The following WBP4 variants were observed in gnomAD, a reference collection of about 807,000 sequenced individuals.
WBP4 encodes WW domain-binding protein 4.
WBP4 carries 37 observed loss-of-function variants against 55.4 expected under a neutral mutation model. The observed-to-expected ratio is 0.67, with a 90% CI of 0.51 to 0.88. WBP4 has a LOEUF of 0.88. WBP4 is among the 40% of genes least tolerant of loss of function. The pLI is 0.00. For missense variants in WBP4, 398 were observed against 420.8 expected (o/e 0.95, Z 0.47); for synonymous variants, 142 against 140.2 (o/e 1.01, Z -0.09).
rs540793970 is a variant in WBP4, at chr13:41,065,148, T to G, written c.139-16T>G. 7 of 1,606,598 alleles carry G rather than the reference T, an allele frequency of 4.4e-6. No homozygotes were observed. The East Asian group carries it at 1.1e-4, about 26-fold the overall frequency. Reference sequence around the variant, plus strand: ...GTCCTTTATCTCACTTTCACTGTTATGTATGTCTTACATAGATTAAACAGA... The same window carrying G: ...GTCCTTTATCTCACTTTCACTGTTAGGTATGTCTTACATAGATTAAACAGA... On this transcript the variant is annotated splice_polypyrimidine_tract_variant and intron_variant, in intron 3 of 9. Coordinates refer to ENST00000379487, the MANE Select transcript of WBP4 (RefSeq NM_007187.5).
intron 1 of WBP4, among the ~76,000 whole-genome samples, 153 bp downstream of exon 1, chr13:41,061,828 G>A (rs1877660780): frequency 6.6e-6 from 1 of 152,176 alleles, no homozygotes; most frequent in African/African-American, 2.4e-5. Flanking sequence ...GACCTGCAGG[G>A]CCGGTTCTCA....
chr13:41,067,733 C>T (rs1437022575), intron 4 of WBP4, among the ~76,000 whole-genome samples: 1 of 152,134 alleles, frequency 6.6e-6, no homozygotes, highest in Non-Finnish European at 1.5e-5. Flanking sequence ...GTCCATTTTT[C>T]TATTAGAATG....
In WBP4 at chr13:41,068,566, T is replaced by G; in HGVS notation, c.268T>G (p.Leu90Val). The change falls in exon 5 of 10, where the codon TTG becomes GTG. Residue 90 changes from leucine (L) to valine (V), a missense_variant. Leu to Val is a conservative substitution (Grantham distance 32). Transcript: ENST00000379487. Reference protein sequence around the residue: ...LKRLGLESEILEPSITPVTST... With the variant: ...LKRLGLESEIVEPSITPVTST... ...CCCTTCTCTCATCTCTTTAGAAATT[T>G]TGGAGCCAAGCATAACACCAGTAAC... 1 of 1,592,676 alleles carries G rather than the reference T, an allele frequency of 6.3e-7. No individual in the cohort carries two copies. Among genetic ancestry groups the G allele is most frequent in the Non-Finnish European group, 8.5e-7 (1 of 1,172,980 alleles).
At chr13:41,075,144 G>A (rs58557605) in intron 7 of WBP4, among the ~76,000 whole-genome samples, 9,082 of 151,938 alleles carry the variant, frequency 0.06, 626 homozygotes, top group East Asian at 0.16. Context: ...AATTACTAAC[G>A]GCAGCCCCTT....
At chr13:41,071,331 C>G (rs927076451) in intron 5 of WBP4, among the ~76,000 whole-genome samples, 196 bp from the exon 6 acceptor site, 1 of 152,212 alleles carries the variant, frequency 6.6e-6, no homozygotes, top group African/African-American at 2.4e-5. Context: ...TCTGTCCTTT[C>G]TTCTTGGTTA....
chr13:41,070,240 G>C lies in WBP4; in HGVS notation c.440-1287G>C, dbSNP rs150080762. ...TCTCTAAATTAAGATAGGGACATCA[G>C]GAATGATGCCTTACTCACCATTGTA... On this transcript the variant is annotated intron_variant, in intron 5 of 9. Coordinates refer to ENST00000379487, the MANE Select transcript of WBP4 (RefSeq NM_007187.5). 1.4e-3 allele frequency among the ~76,000 whole-genome samples: 217 copies of C among 152,214 alleles called. 1 individual carries two copies. The highest frequency in any genetic ancestry group is 4.9e-3 in the African/African-American group (204 of 41,532).
At chr13:41,062,759 T>C (rs1313740641) in intron 2 of WBP4, 43 bp downstream of exon 2, 6 of 1,545,636 alleles carry the variant, frequency 3.9e-6, no homozygotes, top group Admixed American at 1.8e-5. Context: ...ATAATTGTGT[T>C]GAATGAAGTG....
intron 4 of WBP4, among the ~76,000 whole-genome samples, chr13:41,067,788 A>G (rs994501511): frequency 6.6e-5 from 10 of 152,212 alleles, no homozygotes; most frequent in African/African-American, 2.2e-4. Context: ...ACCCTTTGCC[A>G]TATTTATTGT....
intron 8 of WBP4, among the ~76,000 whole-genome samples, chr13:41,080,153 A>G (rs1878704221): frequency 6.6e-6 from 1 of 152,236 alleles, no homozygotes; most frequent in Non-Finnish European, 1.5e-5. Context: ...CCCGTACTTC[A>G]CCATGACATA....
At chr13:41,069,885 A>G (rs1306083863) in intron 5 of WBP4, among the ~76,000 whole-genome samples, 2 of 150,998 alleles carry the variant, frequency 1.3e-5, no homozygotes, top group African/African-American at 4.8e-5. Context: ...TCTCAAAAAA[A>G]AAAAAAAGAA....
chr13:41,082,638 C>A, intron 9 of WBP4, 66 bp from the exon 10 acceptor site: 1 of 1,440,302 alleles, frequency 6.9e-7, no homozygotes, highest in Non-Finnish European at 9.6e-7. Flanking sequence ...GATCTTGGGG[C>A]ATTGGTTATA....
intron 7 of WBP4, 46 bp downstream of exon 7, chr13:41,072,903 G>A: frequency 6.7e-7 from 1 of 1,498,782 alleles, no homozygotes. Flanking sequence ...ATTGTACCTG[G>A]AACTGCTTAT....
intron 4 of WBP4, among the ~76,000 whole-genome samples, chr13:41,066,012 C>T (rs1877957678): frequency 1.3e-5 from 2 of 152,094 alleles, no homozygotes; most frequent in Admixed American, 1.3e-4. Context: ...AGCAGAGTAC[C>T]AGTTAAGTTA....
intron 3 of WBP4, 37 bp downstream of exon 3, chr13:41,065,115 A>C (rs1264128886): frequency 1.2e-6 from 2 of 1,601,194 alleles, no homozygotes; most frequent in East Asian, 4.5e-5. Flanking sequence ...TTTTCTATGC[A>C]AATGTCAGTC....
Position 41,061,603 on chromosome 13 carries a change from C to T in WBP4, c.-71C>T. On this transcript the variant is annotated 5_prime_UTR_variant, in exon 1 of 10. Transcript: ENST00000379487. ...TGGGCATCGGGCGGCTGGAAGAGCT[C>T]GACTCGTCCCGCTGGGAAAGCGCGA... 5 of 1,612,812 alleles carry T rather than the reference C, an allele frequency of 3.1e-6. No individual in the cohort carries two copies. The highest frequency in any genetic ancestry group is 2.2e-5 in the South Asian group (2 of 90,948).
In WBP4 at chr13:41,082,954, G is replaced by A. The variant is rs775072523; in HGVS notation, c.*40G>A. 3 of 1,591,616 alleles carry A rather than the reference G, an allele frequency of 1.9e-6. No homozygotes were observed. In the Admixed American group the frequency reaches 5.1e-5, roughly 27 times the overall value. On this transcript the variant is annotated 3_prime_UTR_variant, in exon 10 of 10. Transcript: ENST00000379487. ...TTTGTACATGCTTTTAGGACAGAAT[G>A]GAGACTTATACACCCAAAGTTTATC... is the stretch of plus-strand genomic sequence containing the variant.
chr13:41,081,843 C>T (rs1001529096), intron 9 of WBP4, among the ~76,000 whole-genome samples: 5 of 152,176 alleles, frequency 3.3e-5, no homozygotes, highest in Non-Finnish European at 7.3e-5. Context: ...AATAGATTGC[C>T]TTCTGCAGAG....
chr13:41,065,207 C>T lies in WBP4; in HGVS notation c.182C>T (p.Ala61Val). ...SLDKAKEEEK[A>V]SKEFAAMEAA... ...GATAAGGCAAAGGAAGAAGAAAAGG[C>T]ATCAAAGGAGTTTGCTGCAATGGAG... The change falls in exon 4 of 10, where the codon GCA (alanine) becomes GTA (valine). Residue 61 changes from alanine (A) to valine (V), a missense_variant. Transcript: ENST00000379487. The T allele has an allele frequency of 6.2e-7, 1 of 1,608,282 alleles. No homozygotes were observed. The highest frequency in any genetic ancestry group is 8.5e-7 in the Non-Finnish European group (1 of 1,178,324).
chr13:41,065,264 T>C lies in WBP4; in HGVS notation c.239T>C (p.Leu80Ser). 6.4e-7 allele frequency: 1 copy of C among 1,574,548 alleles called. No individual in the cohort carries two copies. Among genetic ancestry groups the C allele is most frequent in the Non-Finnish European group, 8.6e-7 (1 of 1,159,320 alleles). Residue 80 changes from leucine to serine, a missense_variant, in exon 4 of 10, where the codon TTG becomes TCG. Physicochemically the swap from Leu to Ser is moderately radical, Grantham distance 145. Coordinates refer to ENST00000379487, the MANE Select transcript of WBP4 (RefSeq NM_007187.5). ...GCCCTGAAAGCATACCAAGAGGATT[T>C]GAAAAGACTTGGCTTAGAGTCAGGT... ...AAALKAYQED[L>S]KRLGLESEIL...
Sources: gnomAD v4.1 joint callset for allele counts (sites outside exome capture counted in the v4.1 genomes callset) on GRCh38, gnomAD v4.1.1 for gene constraint, MANE v1.5 for transcripts, NCBI Gene and HGNC (gene_info 2026-07-23, HGNC 2026-07-21) for gene names.